Variants in MGLL observed in about 807,000 individuals in gnomAD.
The protein encoded by MGLL is monoglyceride lipase.
MGLL carries 7 observed loss-of-function variants against 29.1 expected under a neutral mutation model. The observed-to-expected ratio is 0.24, with a 90% CI of 0.14 to 0.45. The LOEUF is 0.45. Ranked by LOEUF, MGLL falls within the 20% of genes least tolerant of loss-of-function variation. The pLI is 0.99. For synonymous variants in MGLL, 148 were observed against 168.3 expected (o/e 0.88, Z 0.93); for missense variants, 356 against 413.6 (o/e 0.86, Z 1.21).
At chr3:127,757,260 C>A (rs146998332) in intron 3 of MGLL, among the ~76,000 whole-genome samples, 1 of 152,328 alleles carries the variant, frequency 6.6e-6, no homozygotes, top group Non-Finnish European at 1.5e-5. Flanking sequence ...GACCTACAGA[C>A]ACAGGAGAAA....
At chr3:127,696,025 G>A (rs1243599531) in intron 6 of MGLL, among the ~76,000 whole-genome samples, 1 of 152,174 alleles carries the variant, frequency 6.6e-6, no homozygotes, top group Non-Finnish European at 1.5e-5. Flanking sequence ...CACTGACAAT[G>A]GGCTTTGGGG....
chr3:127,809,186 T>C (rs961854926), intron 2 of MGLL, among the ~76,000 whole-genome samples: 2 of 152,172 alleles, frequency 1.3e-5, no homozygotes, highest in Admixed American at 6.5e-5. Flanking sequence ...ATCAATCTTC[T>C]CATCTTGCTC....
At chr3:127,798,315 T>C (rs1337616538) in intron 2 of MGLL, among the ~76,000 whole-genome samples, 1 of 152,210 alleles carries the variant, frequency 6.6e-6, no homozygotes, top group Non-Finnish European at 1.5e-5. Context: ...GTGAATTCTT[T>C]GGGTGCCATA....
In MGLL at chr3:127,722,565, A is replaced by C; in HGVS notation, c.264T>G (p.Val88=). ...LDLLVFAHDH[V]GHGQSEGERM... ...TCTCCCCTTCGCTCTGTCCGTGGCC[A>C]ACTGGAAAGGAACGGGAGATGAGAG... The change falls in exon 4 of 8, where the codon GTT becomes GTG. Residue 88 remains valine, a splice_region_variant and synonymous_variant. Coordinates refer to ENST00000265052, the MANE Select transcript of MGLL (RefSeq NM_007283.7). The C allele has an allele frequency of 6.2e-7, 1 of 1,614,252 alleles. No individual in the cohort carries two copies. The highest frequency in any genetic ancestry group is 8.5e-7 in the Non-Finnish European group (1 of 1,180,052).
intron 2 of MGLL, among the ~76,000 whole-genome samples, chr3:127,784,847 T>C (rs576317854): frequency 1.3e-5 from 2 of 152,282 alleles, no homozygotes; most frequent in Admixed American, 1.3e-4. Flanking sequence ...GGTAAATCTG[T>C]CCAGCAAAGC....
intron 6 of MGLL, among the ~76,000 whole-genome samples, chr3:127,697,325 C>A (rs1269433519): frequency 6.6e-6 from 1 of 152,234 alleles, no homozygotes; most frequent in Non-Finnish European, 1.5e-5. Flanking sequence ...CATGCAGGGT[C>A]TCATTGAGTA....
Position 127,791,267 on chromosome 3 carries a change from C to T in MGLL, c.156-9372G>A, listed in dbSNP as rs150046538. 949 of 152,330 alleles carry T rather than the reference C, an allele frequency of 6.2e-3. 19 individuals are homozygous for T. The highest frequency in any genetic ancestry group is 0.036 in the Admixed American group (543 of 15,294). 9.4% of individuals were successfully genotyped at this position (152,330 alleles called of 1,614,324 possible). ...CCTAAAGGAGCCTGAAAGCTCCTCC[C>T]GCACACCTCTCTGTCCCAGGCACTA... On this transcript the variant is annotated intron_variant, in intron 2 of 7. Transcript: ENST00000265052.
intron 3 of MGLL, among the ~76,000 whole-genome samples, chr3:127,779,416 G>A (rs2077087146): frequency 6.6e-6 from 1 of 151,898 alleles, no homozygotes; most frequent in African/African-American, 2.4e-5. Context: ...TGGAAAGAAT[G>A]CAGTCTGCAT....
chr3:127,735,400 T>G (rs976041463), intron 3 of MGLL, among the ~76,000 whole-genome samples: 2 of 152,198 alleles, frequency 1.3e-5, no homozygotes, highest in Admixed American at 6.5e-5. Flanking sequence ...AAATGGATTA[T>G]CACACAGTAG....
At chr3:127,755,002 G>C (rs2076633485) in intron 3 of MGLL, among the ~76,000 whole-genome samples, 1 of 152,106 alleles carries the variant, frequency 6.6e-6, no homozygotes, top group Non-Finnish European at 1.5e-5. Flanking sequence ...CCACGAGATG[G>C]TGGGGGTGTT....
chr3:127,794,719 A>ATGATGTAAGACTCTCTTCTC, intron 2 of MGLL, among the ~76,000 whole-genome samples: 1 of 152,164 alleles, frequency 6.6e-6, no homozygotes, highest in African/African-American at 2.4e-5. Flanking sequence ...ACTATCTTCT[A>ATGATGTAAGACTCTCTTCTC]TGATGTAAGA....
rs191312201 is a variant in MGLL at position 127,715,989 on chromosome 3, C to T, written c.510+5064G>A. The T allele has an allele frequency of 2.5e-3, 912 of 367,236 alleles. 8 individuals are homozygous for T. The highest frequency in any genetic ancestry group is 0.018 in the African/African-American group (851 of 47,210). The allele number at this position is 367,236 out of a possible 1,614,324, so 22.7% of individuals were successfully genotyped here. On this transcript the variant is annotated intron_variant, in intron 5 of 7. Transcript: ENST00000265052. ...TCAGGAGAGAGGAGCCCCTGCATGGCTCCCCCATTGAGGTGAGACCCCCCG... is the reference window on the plus strand; with the variant it reads ...TCAGGAGAGAGGAGCCCCTGCATGGTTCCCCCATTGAGGTGAGACCCCCCG...
chr3:127,705,069 C>T (rs905397062), intron 6 of MGLL, among the ~76,000 whole-genome samples: 2 of 152,140 alleles, frequency 1.3e-5, no homozygotes. Context: ...ATGTCCTTTG[C>T]AGGGACGTGG....
At chr3:127,733,940 A>G (rs114962353) in intron 3 of MGLL, among the ~76,000 whole-genome samples, 1,645 of 152,334 alleles carry the variant, frequency 0.011, 28 homozygotes, top group African/African-American at 0.037. Context: ...AGGGCAGGGC[A>G]GCCGAGCCCC....
chr3:127,763,771 A>C (rs1235675041), intron 3 of MGLL, among the ~76,000 whole-genome samples: 1 of 151,728 alleles, frequency 6.6e-6, no homozygotes, highest in Non-Finnish European at 1.5e-5. Flanking sequence ...CCGTCCTCAA[A>C]CTCTCCCAGA....
intron 5 of MGLL, 111 bp downstream of exon 5, chr3:127,720,942 T>A (rs563727341): frequency 2.2e-6 from 2 of 897,456 alleles, no homozygotes; most frequent in East Asian, 5.1e-5. Flanking sequence ...CGCAATAGTG[T>A]CTGAGGTCCA....
intron 6 of MGLL, among the ~76,000 whole-genome samples, chr3:127,704,235 G>T (rs1272300679): frequency 1.3e-5 from 2 of 152,288 alleles, no homozygotes; most frequent in Non-Finnish European, 2.9e-5. Flanking sequence ...ACTCAAGGTG[G>T]ATTAAAGACT....
intron 3 of MGLL, among the ~76,000 whole-genome samples, chr3:127,763,107 A>G (rs2076793901): frequency 6.6e-6 from 1 of 152,168 alleles, no homozygotes; most frequent in Non-Finnish European, 1.5e-5. Context: ...GTATTTGGAG[A>G]TAGAAAAACA....
At chr3:127,747,069 C>T (rs2076460525) in intron 3 of MGLL, among the ~76,000 whole-genome samples, 1 of 152,192 alleles carries the variant, frequency 6.6e-6, no homozygotes, top group East Asian at 1.9e-4. Flanking sequence ...GTCTCTGTTC[C>T]CTTCTCTTGT....
Sources: gnomAD v4.1 joint callset for allele counts (sites outside exome capture counted in the v4.1 genomes callset) on GRCh38, gnomAD v4.1.1 for gene constraint, MANE v1.5 for transcripts, NCBI Gene and HGNC (gene_info 2026-07-23, HGNC 2026-07-21) for gene names.